Variants in FGFR3 observed in about 807,000 individuals in gnomAD.
FGFR3 encodes the protein fibroblast growth factor receptor 3, also known as FGFR-3.
A neutral mutation model predicts 82.9 loss-of-function variants in FGFR3; 25 were observed. The observed-to-expected ratio is 0.30, with a 90% confidence interval of 0.22 to 0.42. FGFR3 has a LOEUF of 0.42. Among genes scored for constraint, FGFR3 ranks in the 10% least tolerant of loss-of-function variants. FGFR3 has a pLI of 1.00. For synonymous variants in FGFR3, 620 were observed against 516.0 expected, an observed-to-expected ratio of 1.20 and a Z score of -2.73; for missense variants, 1,026 against 1,161.0, an observed-to-expected ratio of 0.88 and a Z score of 1.69.
Position 1,802,017 on chromosome 4 carries a change from G to A in FGFR3, c.922G>A (p.Val308Met), listed in dbSNP as rs774929566. 1.9e-6 allele frequency: 3 copies of A among 1,611,740 alleles called. No individual in the cohort carries two copies. Among genetic ancestry groups the A allele is most frequent in the South Asian group, 2.2e-5 (2 of 90,942 alleles). Residue 308 changes from valine to methionine, a missense_variant, in exon 7 of 18, where the codon GTG (valine) becomes ATG (methionine). Around this residue, in one of 9 missense-constraint regions of FGFR3, gnomAD observed 256 missense variants for 217.6 expected, o/e 1.18. Transcript: ENST00000440486. ...CCCGGACGGCACACCCTACGTTACC[G>A]TGCTCAAGGTGGGCCACCGTGTGCA... The part of the protein sequence containing the change: ...VGPDGTPYVT[V>M]LKTAGANTTD...
rs777256634 is a variant in FGFR3, at chr4:1,805,385, C to G, written c.1443C>G (p.Gly481=). 1 of 1,612,410 alleles carries G rather than the reference C, an allele frequency of 6.2e-7. No individual in the cohort carries two copies. The highest frequency in any genetic ancestry group is 1.3e-5 in the African/African-American group (1 of 75,054). ...CCCTGGGCAAGCCCCTTGGGGAGGG[C>G]TGCTTCGGCCAGGTGGTCATGGCGG... ...RLTLGKPLGE[G]CFGQVVMAEA... Residue 481 remains glycine (G), a synonymous_variant, in exon 11 of 18, where the codon GGC becomes GGG. Coordinates refer to ENST00000440486, the MANE Select transcript of FGFR3 (RefSeq NM_000142.5).
At position 1,801,527 on chromosome 4, in the gene FGFR3, A is replaced by C; in HGVS notation, c.606A>C (p.Gly202=). The C allele has an allele frequency of 6.3e-7, 1 of 1,575,494 alleles. No individual in the cohort carries two copies. Among genetic ancestry groups the C allele is most frequent in the Non-Finnish European group, 8.6e-7 (1 of 1,161,528 alleles). ...GREFRGEHRI[G]GIKLRHQQWS... ...AGTTCCGCGGCGAGCACCGCATTGG[A>C]GGCATCAAGGTGGGCGCGGCGGGGT... Residue 202 remains glycine, a synonymous_variant, in exon 5 of 18, where the codon GGA becomes GGC. Transcript: ENST00000440486.
chr4:1,801,790 G>A (rs2108782798), intron 6 of FGFR3, 45 bp from the exon 7 acceptor site: 1 of 1,593,966 alleles, frequency 6.3e-7, no homozygotes, highest in South Asian at 1.1e-5. Context: ...AGTGGCGGTG[G>A]TGGTGAGGGA....
intron 2 of FGFR3, among the ~76,000 whole-genome samples, chr4:1,794,340 C>T (rs3135833): frequency 6.6e-6 from 1 of 152,226 alleles, no homozygotes; most frequent in African/African-American, 2.4e-5. Context: ...GTCGGGAGGG[C>T]GCGGGGGGCC....
chr4:1,797,287 A>G (rs1007085133), intron 2 of FGFR3, among the ~76,000 whole-genome samples: 4 of 152,042 alleles, frequency 2.6e-5, no homozygotes, highest in East Asian at 1.9e-4. Flanking sequence ...CTGAACTTAT[A>G]GCACCCACTC....
At position 1,805,662 on chromosome 4, in the gene FGFR3, G is replaced by A. The variant is rs766139511; in HGVS notation, c.1638G>A (p.Thr546=). 40 of 1,612,802 alleles carry A rather than the reference G, an allele frequency of 2.5e-5. No individual in the cohort carries two copies. Among genetic ancestry groups the A allele is most frequent in the South Asian group, 3.3e-5 (3 of 91,070 alleles). Residue 546 remains threonine (T), a synonymous_variant, in exon 12 of 18, where the codon ACG becomes ACA. Coordinates refer to ENST00000440486, the MANE Select transcript of FGFR3 (RefSeq NM_000142.5). ...KNIINLLGAC[T]QGGPLYVLVE... is the part of the protein sequence containing the mutation. ...TCATCAACCTGCTGGGCGCCTGCAC[G>A]CAGGGCGGTAGGTGCGGTAGCGGCG...
intron 5 of FGFR3, 38 bp from the exon 6 acceptor site, chr4:1,801,579 TTGC>T: frequency 6.3e-7 from 1 of 1,582,578 alleles, no homozygotes; most frequent in Non-Finnish European, 8.6e-7. Context: ...GGCGCGGTGG[TTGC>T]TGCCTCCGCT....
At chr4:1,804,635 T>C (rs1721644512) in intron 9 of FGFR3, 115 bp downstream of exon 9, 1 of 1,474,442 alleles carries the variant, frequency 6.8e-7, no homozygotes, top group East Asian at 2.3e-5. Flanking sequence ...CCAGGCGGGC[T>C]CCCCTCTCCT....
rs1186996773 is a variant in FGFR3, at chr4:1,807,798, T to A, written c.*536T>A. ...CCACCCTGCCCCTCAGAGACTGAAA[T>A]TACGGGTACCTGAAGATGGGAGCCT... On this transcript the variant is annotated 3_prime_UTR_variant, in exon 18 of 18. Transcript: ENST00000440486. 1 of 509,450 alleles carries A rather than the reference T, an allele frequency of 2.0e-6. No individual in the cohort carries two copies. The highest frequency in any genetic ancestry group is 3.8e-6 in the Non-Finnish European group (1 of 265,576). 31.6% of individuals were successfully genotyped at this position (509,450 alleles called of 1,614,324 possible).
At position 1,801,386 on chromosome 4, in the gene FGFR3, G is replaced by A; in HGVS notation, c.465G>A (p.Arg155=). Residue 155 remains arginine (R), a synonymous_variant, in exon 5 of 18, where the codon CGG becomes CGA. Coordinates refer to ENST00000440486, the MANE Select transcript of FGFR3 (RefSeq NM_000142.5). ...GVDTGAPYWT[R]PERMDKKLLA... is the part of the protein sequence containing the mutation. Reference sequence around the variant, plus strand: ...CCGCAGGGGCCCCTTACTGGACACGGCCCGAGCGGATGGACAAGAAGCTGC... The same window carrying A: ...CCGCAGGGGCCCCTTACTGGACACGACCCGAGCGGATGGACAAGAAGCTGC... 1 of 1,556,748 alleles carries A rather than the reference G, an allele frequency of 6.4e-7. No individual in the cohort carries two copies.
In FGFR3 at chr4:1,805,545, C is replaced by A. The variant is rs3135895; in HGVS notation, c.1535-14C>A. On this transcript the variant is annotated splice_polypyrimidine_tract_variant and intron_variant, in intron 11 of 17. Coordinates refer to ENST00000440486, the MANE Select transcript of FGFR3 (RefSeq NM_000142.5). ...CCGCCGCCGCCTGACACAGGCCCCC[C>A]GCTCCGTGCACAGACGATGCCACTG... 1.2e-6 allele frequency: 2 copies of A among 1,612,884 alleles called. No individual in the cohort carries two copies. Among genetic ancestry groups the A allele is most frequent in the Non-Finnish European group, 1.7e-6 (2 of 1,179,794 alleles).
rs1380010210 is a variant in FGFR3, at chr4:1,805,394, C to T, written c.1452C>T (p.Gly484=). ...LGKPLGEGCF[G]QVVMAEAIGI... is the part of the protein sequence containing the mutation. ...AGCCCCTTGGGGAGGGCTGCTTCGG[C>T]CAGGTGGTCATGGCGGAGGCCATCG... The change falls in exon 11 of 18, where the codon GGC becomes GGT. Residue 484 remains glycine, a synonymous_variant. Transcript: ENST00000440486. The T allele has an allele frequency of 1.2e-6, 2 of 1,612,474 alleles. No homozygotes were observed. Among genetic ancestry groups the T allele is most frequent in the Admixed American group, 3.3e-5 (2 of 60,002 alleles).
chr4:1,802,856 TCGTGCC>T, intron 7 of FGFR3: 1 of 1,530,664 alleles, frequency 6.5e-7, no homozygotes. Context: ...ACATCCTGCC[TCGTGCC>T]CGGCGGGGCT....
At chr4:1,796,672 C>T (rs956267879) in intron 2 of FGFR3, among the ~76,000 whole-genome samples, 4 of 152,174 alleles carry the variant, frequency 2.6e-5, no homozygotes, top group African/African-American at 9.7e-5. Context: ...TGCACTGGGC[C>T]TCCACTGCAG....
chr4:1,793,652 G>A lies in FGFR3; in HGVS notation c.-102-181G>A, dbSNP rs565525693. Among the ~76,000 whole-genome samples, 583 of 149,806 alleles carry A rather than the reference G, an allele frequency of 3.9e-3. 6 individuals are homozygous for A. Among genetic ancestry groups the A allele is most frequent in the African/African-American group, 0.013 (531 of 41,264 alleles). On this transcript the variant is annotated intron_variant, in intron 1 of 17. Transcript: ENST00000440486. Reference sequence around the variant, plus strand: ...GCTTTGCAGCAGCCAGGGAGGGAAGGGGGAGGAGGGAGGGACCGCGGCGGG... The same window carrying A: ...GCTTTGCAGCAGCCAGGGAGGGAAGAGGGAGGAGGGAGGGACCGCGGCGGG...
At chr4:1,797,638 C>T (rs990018674) in intron 2 of FGFR3, among the ~76,000 whole-genome samples, 5 of 152,228 alleles carry the variant, frequency 3.3e-5, no homozygotes, top group African/African-American at 4.8e-5. Flanking sequence ...TGGGGGGCCT[C>T]GAGCAGCTCC....
rs1367336734 is a variant in FGFR3, at chr4:1,805,673, G to A, written c.1645+4G>A. On this transcript the variant is annotated splice_donor_region_variant and intron_variant, in intron 12 of 17. Coordinates refer to ENST00000440486, the MANE Select transcript of FGFR3 (RefSeq NM_000142.5). ...CTGGGCGCCTGCACGCAGGGCGGTA[G>A]GTGCGGTAGCGGCGGTGGTGCCGGC... 2 of 1,612,190 alleles carry A rather than the reference G, an allele frequency of 1.2e-6. No individual in the cohort carries two copies. The highest frequency in any genetic ancestry group is 1.7e-6 in the Non-Finnish European group (2 of 1,179,168).
intron 8 of FGFR3, 53 bp from the exon 9 acceptor site, chr4:1,804,277 G>C: frequency 2.0e-6 from 3 of 1,536,340 alleles, no homozygotes; most frequent in Non-Finnish European, 8.7e-7. Context: ...GCATCCATGG[G>C]AGCCCCGTGG....
intron 2 of FGFR3, among the ~76,000 whole-genome samples, chr4:1,795,647 C>T (rs546444346): frequency 6.6e-6 from 1 of 152,304 alleles, no homozygotes; most frequent in African/African-American, 2.4e-5. Flanking sequence ...AAGGTTTTGG[C>T]CACTGGACTG....
Sources: allele counts gnomAD v4.1 joint callset (sites outside exome capture counted in the v4.1 genomes callset), GRCh38; gene constraint gnomAD v4.1.1; regional missense constraint gnomAD v4.1.1; transcripts MANE v1.5; gene names NCBI Gene and HGNC (gene_info 2026-07-23, HGNC 2026-07-21).